MAGI2: variants seen among roughly 807,000 people sequenced by gnomAD.
MAGI2 encodes the protein membrane-associated guanylate kinase, WW and PDZ domain-containing protein 2.
A neutral mutation model predicts 133.3 loss-of-function variants in MAGI2; 35 were observed. That is an observed-to-expected ratio of 0.26 (90% CI 0.20 to 0.35). The LOEUF (loss-of-function observed/expected upper bound fraction) is 0.35. Ranked by LOEUF, MAGI2 falls within the 10% of genes least tolerant of loss-of-function variation. MAGI2 has a pLI of 1.00. For missense variants in MAGI2, 1,636 were observed against 1,863.4 expected, an observed-to-expected ratio of 0.88 and a Z score of 2.25; for synonymous variants, 729 against 710.6, an observed-to-expected ratio of 1.03 and a Z score of -0.41.
chr7:78,108,838 G>C (rs956742562), intron 20 of MAGI2, among the ~76,000 whole-genome samples: 34 of 151,910 alleles, frequency 2.2e-4, no homozygotes, highest in African/African-American at 8.2e-4. Context: ...CCCAAACCTA[G>C]AGGAAGATAT....
chr7:78,141,108 C>G (rs1822699366), intron 16 of MAGI2, among the ~76,000 whole-genome samples: 1 of 152,000 alleles, frequency 6.6e-6, no homozygotes, highest in African/African-American at 2.4e-5. Flanking sequence ...GTATATAATC[C>G]AAGGAGGTTT....
At chr7:78,477,906 G>C (rs2150446390) in intron 6 of MAGI2, among the ~76,000 whole-genome samples, 1 of 148,312 alleles carries the variant, frequency 6.7e-6, no homozygotes, top group East Asian at 2.1e-4. Context: ...TAAATACAAA[G>C]TTTTAAAGGA....
intron 1 of MAGI2, among the ~76,000 whole-genome samples, chr7:79,243,510 G>A (rs932193477): frequency 6.6e-6 from 1 of 152,186 alleles, no homozygotes; most frequent in East Asian, 1.9e-4. Context: ...TGATATCATG[G>A]AGAATTAACT....
intron 10 of MAGI2, among the ~76,000 whole-genome samples, chr7:78,238,958 T>G (rs1252830993): frequency 6.6e-6 from 1 of 152,158 alleles, no homozygotes; most frequent in African/African-American, 2.4e-5. Context: ...CTCACTTAGC[T>G]TTAGCCAACT....
chr7:79,059,913 T>C (rs973260461), intron 1 of MAGI2, among the ~76,000 whole-genome samples: 8 of 152,116 alleles, frequency 5.3e-5, no homozygotes, highest in African/African-American at 1.9e-4. Context: ...CTAGTGAATT[T>C]ATTAGAAACC....
chr7:79,246,051 G>A (rs570218527), intron 1 of MAGI2, among the ~76,000 whole-genome samples: 1 of 152,184 alleles, frequency 6.6e-6, no homozygotes, highest in East Asian at 1.9e-4. Flanking sequence ...GACCAAGGTG[G>A]TATGTAAGAC....
intron 21 of MAGI2, among the ~76,000 whole-genome samples, chr7:78,025,145 C>T (rs547071900): frequency 7.9e-5 from 12 of 152,316 alleles, no homozygotes; most frequent in East Asian, 3.9e-4. Context: ...CACTGGTCTT[C>T]GTTCAGTTCT....
At chr7:79,355,971 A>AT (rs1841993915) in intron 1 of MAGI2, among the ~76,000 whole-genome samples, 1 of 152,174 alleles carries the variant, frequency 6.6e-6, no homozygotes, top group Non-Finnish European at 1.5e-5. Flanking sequence ...TTAACATGTC[A>AT]TTTTAAAATT....
At chr7:78,456,186 G>T (rs1789303437) in intron 6 of MAGI2, among the ~76,000 whole-genome samples, 1 of 151,858 alleles carries the variant, frequency 6.6e-6, no homozygotes, top group South Asian at 2.1e-4. Context: ...TTAGAGTAGT[G>T]GTGAATTTCT....
In MAGI2 at chr7:79,028,245, A is replaced by G. The variant is rs900889995; in HGVS notation, c.302-21039T>C. ...TATATATATATGTATGTATATATAT[A>G]TATATATATATATATATATATATGT... On this transcript the variant is annotated intron_variant, in intron 1 of 21. Transcript: ENST00000354212. 3.8e-3 allele frequency among the ~76,000 whole-genome samples: 366 copies of G among 96,194 alleles called. 8 individuals carry two copies. The highest frequency in any genetic ancestry group is 0.015 in the African/African-American group (346 of 23,542). 63.1% of individuals were successfully genotyped at this position (96,194 alleles called of 152,430 possible).
At chr7:78,730,630 A>G (rs1821278763) in intron 2 of MAGI2, among the ~76,000 whole-genome samples, 1 of 152,202 alleles carries the variant, frequency 6.6e-6, no homozygotes, top group Non-Finnish European at 1.5e-5. Flanking sequence ...TCAATAATAA[A>G]TGGTCACATG....
intron 6 of MAGI2, among the ~76,000 whole-genome samples, chr7:78,446,815 G>C (rs10485888): frequency 0.13 from 19,728 of 151,998 alleles, 1,673 homozygotes; most frequent in African/African-American, 0.25. Flanking sequence ...TTTAGGCATT[G>C]CAATTATGCT....
chr7:79,345,184 G>T (rs1182151532), intron 1 of MAGI2, among the ~76,000 whole-genome samples: 1 of 152,000 alleles, frequency 6.6e-6, no homozygotes, highest in East Asian at 1.9e-4. Context: ...AGTAGGGTAT[G>T]CCCCAATCCA....
At chr7:78,430,361 C>T (rs1332891368) in intron 6 of MAGI2, among the ~76,000 whole-genome samples, 5 of 145,168 alleles carry the variant, frequency 3.4e-5, no homozygotes, top group East Asian at 2.1e-4. Context: ...AAAAATTCTA[C>T]AGAGGGTGGA....
chr7:79,025,353 G>T (rs1251169565), intron 1 of MAGI2, among the ~76,000 whole-genome samples: 2 of 152,152 alleles, frequency 1.3e-5, no homozygotes, highest in Non-Finnish European at 2.9e-5. Context: ...CTACTTGAGG[G>T]TAGAGGTTGG....
chr7:79,328,203 TA>T (rs530460989), intron 1 of MAGI2, among the ~76,000 whole-genome samples: 2 of 152,322 alleles, frequency 1.3e-5, no homozygotes, highest in African/African-American at 4.8e-5. Context: ...AGATGCAAAT[TA>T]AAACAATAAA....
chr7:78,182,677 C>A (rs1428994399), intron 13 of MAGI2, among the ~76,000 whole-genome samples: 1 of 152,190 alleles, frequency 6.6e-6, no homozygotes, highest in Non-Finnish European at 1.5e-5. Context: ...AATTAAATGG[C>A]CTCTTTTTCT....
chr7:79,425,272 C>T (rs1303283664), intron 1 of MAGI2, among the ~76,000 whole-genome samples: 2 of 149,912 alleles, frequency 1.3e-5, no homozygotes, highest in African/African-American at 4.9e-5. Context: ...AAAAAAAAGT[C>T]TGATGTTCCC....
At chr7:78,439,851 C>G (rs1787422870) in intron 6 of MAGI2, among the ~76,000 whole-genome samples, 1 of 152,090 alleles carries the variant, frequency 6.6e-6, no homozygotes, top group Admixed American at 6.6e-5. Context: ...CAATAGTATT[C>G]TCCAGTGTCA....
Sources: allele counts gnomAD v4.1 joint callset (sites outside exome capture counted in the v4.1 genomes callset), GRCh38; gene constraint gnomAD v4.1.1; transcripts MANE v1.5; gene names NCBI Gene and HGNC (gene_info 2026-07-23, HGNC 2026-07-21).